PLCB1: variants seen among roughly 807,000 people sequenced by gnomAD.
PLCB1 encodes the protein 1-phosphatidylinositol 4,5-bisphosphate phosphodiesterase beta-1.
A neutral mutation model predicts 161.8 loss-of-function variants in PLCB1; 46 were observed. The observed-to-expected ratio is 0.28, with a 90% CI of 0.22 to 0.36. The LOEUF (loss-of-function observed/expected upper bound fraction) is 0.36, where lower values mean the gene tolerates loss of function less well. Ranked by LOEUF, PLCB1 falls within the 10% of genes least tolerant of loss-of-function variation. The pLI, the probability that PLCB1 is intolerant of heterozygous loss-of-function variation, is 1.00. For missense variants in PLCB1, 1,016 were observed against 1,472.5 expected, an observed-to-expected ratio of 0.69 and a Z score of 5.07; for synonymous variants, 517 against 503.7, an observed-to-expected ratio of 1.03 and a Z score of -0.35.
At chr20:8,799,355 T>G (rs1372441845) in intron 31 of PLCB1, among the ~76,000 whole-genome samples, 1 of 152,184 alleles carries the variant, frequency 6.6e-6, no homozygotes, top group Admixed American at 6.5e-5. Flanking sequence ...TCATATTGGC[T>G]TTCATCTGCC....
intron 2 of PLCB1, among the ~76,000 whole-genome samples, chr20:8,313,394 G>A (rs1038797041): frequency 4.6e-5 from 7 of 151,884 alleles, no homozygotes; most frequent in Non-Finnish European, 1.0e-4. Context: ...ATGTTCTCAT[G>A]GTGGTGACAG....
chr20:8,433,312 G>A (rs763610522), intron 3 of PLCB1, among the ~76,000 whole-genome samples: 2 of 152,180 alleles, frequency 1.3e-5, no homozygotes, highest in African/African-American at 2.4e-5. Context: ...TCTAATAACT[G>A]TAGAACAAGA....
chr20:8,302,039 G>C (rs2745765), intron 2 of PLCB1, among the ~76,000 whole-genome samples: 1 of 152,200 alleles, frequency 6.6e-6, no homozygotes, highest in Non-Finnish European at 1.5e-5. Context: ...AAGAGTAAAA[G>C]TGTCAGTAAA....
At chr20:8,418,940 G>C (rs979013829) in intron 3 of PLCB1, among the ~76,000 whole-genome samples, 9 of 152,124 alleles carry the variant, frequency 5.9e-5, no homozygotes, top group African/African-American at 2.2e-4. Flanking sequence ...GTTTCTTACA[G>C]TCCCAAGAGA....
intron 2 of PLCB1, among the ~76,000 whole-genome samples, chr20:8,250,023 A>G (rs1370761513): frequency 6.6e-6 from 1 of 151,956 alleles, no homozygotes; most frequent in Non-Finnish European, 1.5e-5. Context: ...AAGTATTAAC[A>G]GGCAGGCCAA....
At chr20:8,771,421 T>A (rs145241690) in intron 26 of PLCB1, among the ~76,000 whole-genome samples, 2 of 152,252 alleles carry the variant, frequency 1.3e-5, no homozygotes, top group Non-Finnish European at 2.9e-5. Flanking sequence ...TAATGTCATC[T>A]CTGTCCTTGA....
intron 3 of PLCB1, among the ~76,000 whole-genome samples, chr20:8,479,248 G>A (rs925414406): frequency 2.0e-5 from 3 of 152,138 alleles, no homozygotes; most frequent in Admixed American, 1.3e-4. Context: ...CCATCAAAGT[G>A]TACATTTTTA....
At chr20:8,436,835 G>A (rs1980334194) in intron 3 of PLCB1, among the ~76,000 whole-genome samples, 1 of 152,034 alleles carries the variant, frequency 6.6e-6, no homozygotes, top group South Asian at 2.1e-4. Flanking sequence ...TGTTGCCCAG[G>A]CTGGAGTGCA....
intron 3 of PLCB1, among the ~76,000 whole-genome samples, chr20:8,546,654 G>A (rs540994707): frequency 1.1e-4 from 16 of 152,146 alleles, no homozygotes; most frequent in Admixed American, 3.9e-4. Flanking sequence ...ATTCAGCACA[G>A]AGCTGATAAA....
At chr20:8,820,448 C>T (rs1174734508) in intron 31 of PLCB1, among the ~76,000 whole-genome samples, 1 of 152,036 alleles carries the variant, frequency 6.6e-6, no homozygotes, top group Non-Finnish European at 1.5e-5. Flanking sequence ...TTTATGCCTT[C>T]AGACAGGCAA....
intron 3 of PLCB1, among the ~76,000 whole-genome samples, chr20:8,522,255 A>T (rs2122885433): frequency 6.6e-6 from 1 of 152,252 alleles, no homozygotes; most frequent in African/African-American, 2.4e-5. Context: ...CTTCCCTTAC[A>T]AGCGTTTCCT....
intron 3 of PLCB1, among the ~76,000 whole-genome samples, chr20:8,513,020 A>G (rs931590536): frequency 6.6e-6 from 1 of 152,170 alleles, no homozygotes; most frequent in Admixed American, 6.5e-5. Context: ...TTTAGATTCC[A>G]CATATAAATG....
intron 3 of PLCB1, among the ~76,000 whole-genome samples, chr20:8,411,825 A>G (rs1449302663): frequency 6.6e-6 from 1 of 152,168 alleles, no homozygotes. Context: ...GGAGTTTGAG[A>G]CCAGCCTGAC....
At chr20:8,144,876 C>T (rs141921621) in intron 1 of PLCB1, among the ~76,000 whole-genome samples, 1 of 152,270 alleles carries the variant, frequency 6.6e-6, no homozygotes, top group East Asian at 1.9e-4. Context: ...GTGCATGCCT[C>T]TATTCATGTG....
intron 2 of PLCB1, among the ~76,000 whole-genome samples, chr20:8,222,980 A>G (rs894192514): frequency 2.6e-5 from 4 of 152,122 alleles, no homozygotes; most frequent in African/African-American, 4.8e-5. Flanking sequence ...ACCTATGTCC[A>G]TAGGTCTACT....
chr20:8,264,690 GGA>G (rs1981867626), intron 2 of PLCB1, among the ~76,000 whole-genome samples: 1 of 151,792 alleles, frequency 6.6e-6, no homozygotes, highest in African/African-American at 2.4e-5. Context: ...AGTCTCTCAT[GGA>G]CTGAAATGTC....
At chr20:8,158,961 G>C (rs1347475752) in intron 2 of PLCB1, among the ~76,000 whole-genome samples, 2 of 142,828 alleles carry the variant, frequency 1.4e-5, no homozygotes, top group Non-Finnish European at 3.1e-5. Flanking sequence ...AGTGTCTGTG[G>C]CTTTTCCAGG....
Position 8,393,179 on chromosome 20 carries a change from A to G in PLCB1, c.246+21729A>G, listed in dbSNP as rs534436871. 2.0e-5 allele frequency among the ~76,000 whole-genome samples: 3 copies of G among 152,206 alleles called. 1 individual carries two copies. The highest frequency in any genetic ancestry group is 4.8e-5 in the African/African-American group (2 of 41,540). Reference sequence around the variant, plus strand: ...TGTACTCAAATGCTGCTTGATTTTTATATTTATACCCAAGAATTACTGATT... The same window carrying G: ...TGTACTCAAATGCTGCTTGATTTTTGTATTTATACCCAAGAATTACTGATT... On this transcript the variant is annotated intron_variant, in intron 3 of 31. Transcript: ENST00000338037.
At chr20:8,340,079 C>T (rs1435275224) in intron 2 of PLCB1, among the ~76,000 whole-genome samples, 1 of 152,236 alleles carries the variant, frequency 6.6e-6, no homozygotes, top group African/African-American at 2.4e-5. Context: ...ACAACCCCTC[C>T]TGTTGTACTT....
Sources: gnomAD v4.1 joint callset for allele counts (sites outside exome capture counted in the v4.1 genomes callset) on GRCh38, gnomAD v4.1.1 for gene constraint, MANE v1.5 for transcripts, NCBI Gene and HGNC (gene_info 2026-07-23, HGNC 2026-07-21) for gene names.